Variants in LARS2 observed in about 807,000 individuals in gnomAD.
LARS2 encodes the protein leucyl-tRNA synthetase 2, mitochondrial.
In LARS2, 81 loss-of-function variants were observed where a neutral mutation model predicts 116.6. The observed-to-expected ratio is 0.69, with a 90% confidence interval of 0.58 to 0.84. The LOEUF is 0.84. Ranked by LOEUF, LARS2 falls within the 40% of genes least tolerant of loss-of-function variation. LARS2 has a pLI of 0.00. For synonymous variants in LARS2, 396 were observed against 407.2 expected (o/e 0.97, Z 0.33); for missense variants, 968 against 1,114.5 (o/e 0.87, Z 1.87).
At chr3:45,464,360 TA>T (rs3836519) in intron 8 of LARS2, among the ~76,000 whole-genome samples, 3,337 of 152,264 alleles carry the variant, frequency 0.022, 89 homozygotes, top group East Asian at 0.094. Flanking sequence ...TGAAGACCGT[TA>T]GGGGGACCTT....
intron 7 of LARS2, among the ~76,000 whole-genome samples, chr3:45,455,496 C>G (rs897092250): frequency 9.9e-5 from 15 of 152,030 alleles, no homozygotes; most frequent in African/African-American, 3.6e-4. Flanking sequence ...TTCTTTCTAC[C>G]TGTTATTTTA....
chr3:45,390,035 A>T (rs990606041), intron 1 of LARS2, among the ~76,000 whole-genome samples: 8 of 152,174 alleles, frequency 5.3e-5, no homozygotes, highest in Non-Finnish European at 1.2e-4. Context: ...ACTTCAAAGG[A>T]TATGAACTAT....
At chr3:45,514,051 C>T (rs1700333909) in intron 16 of LARS2, among the ~76,000 whole-genome samples, 3 of 151,986 alleles carry the variant, frequency 2.0e-5, no homozygotes, top group Non-Finnish European at 4.4e-5. Flanking sequence ...ACTAAAAATA[C>T]AAAAATGAGC....
Position 45,516,763 on chromosome 3 carries a change from G to A in LARS2, c.2044+487G>A, listed in dbSNP as rs145177149. 1.2e-4 allele frequency among the ~76,000 whole-genome samples: 18 copies of A among 152,278 alleles called. No homozygotes were observed. The East Asian group carries it at 2.1e-3, about 18-fold the overall frequency. On this transcript the variant is annotated intron_variant, in intron 17 of 21. Coordinates refer to ENST00000645846, the MANE Select transcript of LARS2 (RefSeq NM_015340.4). ...CTCCCTCACCAATCCAGAAAGCCCC[G>A]GGAGGGGTCTGGGCCTGTTGTTACC...
chr3:45,404,529 G>A (rs1213680535), intron 4 of LARS2, among the ~76,000 whole-genome samples: 1 of 152,186 alleles, frequency 6.6e-6, no homozygotes. Context: ...CTCACTCTAA[G>A]CAGGGAAGGA....
intron 7 of LARS2, among the ~76,000 whole-genome samples, chr3:45,455,272 C>CCGGGCGCGGTGG (rs1699196242): frequency 1.3e-5 from 2 of 152,044 alleles, no homozygotes; most frequent in Admixed American, 6.6e-5. Context: ...AAAATACAGT[C>CCGGGCGCGGTGG]CTATTTGTTC....
At chr3:45,448,453 G>A (rs376850179) in intron 7 of LARS2, among the ~76,000 whole-genome samples, 1 of 152,086 alleles carries the variant, frequency 6.6e-6, no homozygotes, top group Non-Finnish European at 1.5e-5. Context: ...AGACCAGCTC[G>A]GTCGGGGAGA....
intron 14 of LARS2, among the ~76,000 whole-genome samples, chr3:45,499,981 G>C (rs935192063): frequency 2.7e-5 from 4 of 149,690 alleles, no homozygotes; most frequent in Admixed American, 2.0e-4. Context: ...ATATATTTTT[G>C]TTTGTTTGTT....
intron 8 of LARS2, among the ~76,000 whole-genome samples, chr3:45,462,050 A>G (rs1037120805): frequency 2.0e-5 from 3 of 152,226 alleles, no homozygotes; most frequent in Non-Finnish European, 2.9e-5. Flanking sequence ...GTCCTGCTAT[A>G]TATAGATAAG....
Position 45,517,943 on chromosome 3 carries a change from G to A in LARS2, c.2085G>A (p.Leu695=), listed in dbSNP as rs756310279. 1.2e-6 allele frequency: 2 copies of A among 1,614,120 alleles called. No homozygotes were observed. Among genetic ancestry groups the A allele is most frequent in the East Asian group, 2.2e-5 (1 of 44,894 alleles). ...GGGTGCTGAGATGGCAACAACGACT[G>A]TGGACCTTGACAACTCGGTTTATTG... ...LPGVLRWQQR[L]WTLTTRFIEA... is the part of the protein sequence containing the mutation. The change falls in exon 18 of 22, where the codon CTG becomes CTA. Residue 695 remains leucine (L), a synonymous_variant. Transcript: ENST00000645846.
intron 20 of LARS2, among the ~76,000 whole-genome samples, chr3:45,541,245 T>A (rs989468634): frequency 1.6e-4 from 25 of 152,040 alleles, no homozygotes; most frequent in African/African-American, 6.0e-4. Flanking sequence ...CCTCAGTGTT[T>A]CCTCGTGTTT....
chr3:45,389,099 G>A (rs1208170489), intron 1 of LARS2: 2 of 152,144 alleles, frequency 1.3e-5, no homozygotes, highest in Admixed American at 6.5e-5. Flanking sequence ...ATCCGCCTGA[G>A]GTCACAGGTA....
chr3:45,408,271 C>G (rs1312053315), intron 4 of LARS2, among the ~76,000 whole-genome samples: 2 of 152,266 alleles, frequency 1.3e-5, no homozygotes, highest in Admixed American at 6.5e-5. Context: ...CAGAAGGCCC[C>G]ACCTGGGTGT....
chr3:45,424,851 C>T (rs1448355019), intron 6 of LARS2, among the ~76,000 whole-genome samples: 12 of 152,156 alleles, frequency 7.9e-5, no homozygotes, highest in Non-Finnish European at 1.5e-4. Context: ...TCCGTATACT[C>T]ATTTCATTGT....
chr3:45,479,352 G>T (rs540872058), intron 10 of LARS2, among the ~76,000 whole-genome samples: 1 of 152,276 alleles, frequency 6.6e-6, no homozygotes, highest in East Asian at 1.9e-4. Context: ...TGTGGCCAGG[G>T]TGATGCTAGA....
At chr3:45,509,273 A>C (rs1700246907) in intron 15 of LARS2, 1 of 152,132 alleles carries the variant, frequency 6.6e-6, no homozygotes, top group African/African-American at 2.4e-5. Flanking sequence ...ATGATGAATG[A>C]ATAACTCAGT....
chr3:45,484,620 A>AT (rs1180010440), intron 10 of LARS2, among the ~76,000 whole-genome samples: 45 of 13,992 alleles, frequency 3.2e-3, no homozygotes, highest in East Asian at 9.7e-3. Context: ...AAAAAAAAAA[A>AT]AAAAAAAAAA....
intron 16 of LARS2, 135 bp downstream of exon 16, chr3:45,513,370 C>G: frequency 1.5e-6 from 1 of 659,884 alleles, no homozygotes; most frequent in Non-Finnish European, 2.7e-6. Flanking sequence ...TGTGAGGTCT[C>G]TAAGCCTCAG....
At chr3:45,444,304 C>T (rs1396054336) in intron 6 of LARS2, among the ~76,000 whole-genome samples, 9 of 150,324 alleles carry the variant, frequency 6.0e-5, no homozygotes, top group African/African-American at 1.5e-4. Context: ...TGAGCCACTG[C>T]GCCCAGCCCT....
Sources: allele counts gnomAD v4.1 joint callset (sites outside exome capture counted in the v4.1 genomes callset), GRCh38; gene constraint gnomAD v4.1.1; transcripts MANE v1.5; gene names NCBI Gene and HGNC (gene_info 2026-07-23, HGNC 2026-07-21).